The following CEP41 variants were observed in gnomAD, a reference collection of about 807,000 sequenced individuals.
CEP41 encodes the protein centrosomal protein 41.
Under a neutral mutation model 44.3 loss-of-function variants are expected in CEP41, and 32 were observed. The ratio of observed to expected loss-of-function variants is 0.72; its 90% CI spans 0.54 to 0.97. The LOEUF (loss-of-function observed/expected upper bound fraction) is 0.97. Ranked by LOEUF, CEP41 falls within the 50% of genes least tolerant of loss-of-function variation. CEP41 has a pLI of 0.00. For synonymous variants in CEP41, 151 were observed against 168.5 expected (o/e 0.90, Z 0.80); for missense variants, 432 against 455.2 (o/e 0.95, Z 0.46).
chr7:130,431,391 T>C (rs138021066), intron 1 of CEP41, among the ~76,000 whole-genome samples: 118 of 152,308 alleles, frequency 7.7e-4, no homozygotes, highest in African/African-American at 2.7e-3. Context: ...GAGTGCCTAC[T>C]AGGGGCAAGC....
chr7:130,411,617 T>G (rs1797184245), intron 4 of CEP41, among the ~76,000 whole-genome samples: 1 of 152,248 alleles, frequency 6.6e-6, no homozygotes, highest in African/African-American at 2.4e-5. Flanking sequence ...TTACAGTGTT[T>G]TATACTTCTA....
intron 1 of CEP41, among the ~76,000 whole-genome samples, chr7:130,428,325 G>A (rs1306275237): frequency 6.6e-6 from 1 of 150,836 alleles, no homozygotes; most frequent in Non-Finnish European, 1.5e-5. Context: ...TCGGGAGGCC[G>A]AGGCAGGAGA....
intron 1 of CEP41, among the ~76,000 whole-genome samples, chr7:130,436,830 A>G (rs1460523464): frequency 6.6e-6 from 1 of 152,160 alleles, no homozygotes; most frequent in Non-Finnish European, 1.5e-5. Context: ...TGAAGTCAGG[A>G]GTTCAAGACC....
Position 130,395,034 on chromosome 7 carries a change from C to T in CEP41, c.*3857G>A, listed in dbSNP as rs781902045. 8.8e-6 allele frequency: 4 copies of T among 453,926 alleles called. No homozygotes were observed. The highest frequency in any genetic ancestry group is 1.4e-4 in the East Asian group (2 of 14,410). The allele number at this position is 453,926 out of a possible 1,614,324, so 28.1% of individuals were successfully genotyped here. ...CAGGGGATCACAATGTGACAGACAC[C>T]GTTTCGAAAACACATAAAATCATGC... On this transcript the variant is annotated 3_prime_UTR_variant, in exon 11 of 11. Coordinates refer to ENST00000223208, the MANE Select transcript of CEP41 (RefSeq NM_018718.3).
chr7:130,421,988 G>A, intron 2 of CEP41: 2 of 1,535,902 alleles, frequency 1.3e-6, no homozygotes, highest in Non-Finnish European at 1.7e-6. Flanking sequence ...CTGGGGAGCT[G>A]GTAAGATACA....
chr7:130,441,121 T>G, upstream of CEP41: 2 of 804,628 alleles, frequency 2.5e-6, no homozygotes, highest in Non-Finnish European at 4.2e-6. Flanking sequence ...CCGTTTACTC[T>G]CTCATCTCAG....
At chr7:130,431,881 G>A (rs973497992) in intron 1 of CEP41, among the ~76,000 whole-genome samples, 2 of 152,082 alleles carry the variant, frequency 1.3e-5, no homozygotes, top group East Asian at 1.9e-4. Flanking sequence ...AGTGGATCTC[G>A]AACAGGTACC....
intron 1 of CEP41, among the ~76,000 whole-genome samples, chr7:130,434,141 T>C (rs1554425687): frequency 1.3e-5 from 2 of 152,214 alleles, no homozygotes; most frequent in African/African-American, 2.4e-5. Flanking sequence ...AAAGAACAAA[T>C]TGTTCTATTT....
At position 130,395,006 on chromosome 7, in the gene CEP41, C is replaced by T. The variant is rs782595945; in HGVS notation, c.*3885G>A. 1 of 453,924 alleles carries T rather than the reference C, an allele frequency of 2.2e-6. No individual in the cohort carries two copies. The highest frequency in any genetic ancestry group is 4.4e-6 in the Non-Finnish European group (1 of 226,780). The allele number at this position is 453,924 out of a possible 1,614,324, so 28.1% of individuals were successfully genotyped here. A position where few individuals can be genotyped will look rare whatever the true frequency, so the allele number is the denominator to read the frequency against. ...GAGGATCAGCAACAGAGAGGGGAGC[C>T]ATCAGGGGATCACAATGTGACAGAC... On this transcript the variant is annotated 3_prime_UTR_variant, in exon 11 of 11. Transcript: ENST00000223208.
intron 2 of CEP41, among the ~76,000 whole-genome samples, chr7:130,426,032 A>G (rs538146250): frequency 2.0e-4 from 31 of 152,346 alleles, no homozygotes; most frequent in Admixed American, 6.5e-4. Context: ...GGGCAACATA[A>G]GGAATCCGTG....
At position 130,397,763 on chromosome 7, in the gene CEP41, T is replaced by G. The variant is rs1554415442; in HGVS notation, c.*1128A>C. ...ACCTGAGGCCTTTTGTTCCCCCAAT[T>G]AAATGGAATGAATGTCAGTCATTTA... On this transcript the variant is annotated 3_prime_UTR_variant, in exon 11 of 11. Coordinates refer to ENST00000223208, the MANE Select transcript of CEP41 (RefSeq NM_018718.3). 4.2e-5 allele frequency: 19 copies of G among 449,584 alleles called. No individual in the cohort carries two copies. The highest frequency in any genetic ancestry group is 3.0e-4 in the South Asian group (19 of 63,864). The allele number at this position is 449,584 out of a possible 1,614,324, so 27.8% of individuals were successfully genotyped here.
At chr7:130,410,928 A>C (rs530431403) in intron 5 of CEP41, 194 bp downstream of exon 5, 3 of 641,392 alleles carry the variant, frequency 4.7e-6, no homozygotes, top group East Asian at 5.4e-5. Flanking sequence ...TTAGAGTCAG[A>C]AAACCAGATG....
At chr7:130,439,348 A>C (rs569494619) in intron 1 of CEP41, among the ~76,000 whole-genome samples, 1 of 66,120 alleles carries the variant, frequency 1.5e-5, no homozygotes, top group East Asian at 6.8e-4. Flanking sequence ...TTAGTAGTTA[A>C]GTTTTTTTGC....
chr7:130,408,756 A>C (rs956381984), intron 5 of CEP41, among the ~76,000 whole-genome samples: 2 of 152,196 alleles, frequency 1.3e-5, no homozygotes, highest in Non-Finnish European at 2.9e-5. Context: ...GAATCATACA[A>C]ACATTTACAT....
At chr7:130,435,591 A>G (rs1386384544) in intron 1 of CEP41, among the ~76,000 whole-genome samples, 3 of 152,212 alleles carry the variant, frequency 2.0e-5, no homozygotes, top group Non-Finnish European at 2.9e-5. Flanking sequence ...GACAGTGTTG[A>G]ACGTTGCCAA....
At position 130,397,700 on chromosome 7, in the gene CEP41, C is replaced by A. The variant is rs781848072; in HGVS notation, c.*1191G>T. ...CGATCACAGACCATAAAAATTAACACCGCTCTTTTCCATCTGATTTCAGAG... is the reference window on the plus strand; with the variant it reads ...CGATCACAGACCATAAAAATTAACAACGCTCTTTTCCATCTGATTTCAGAG... On this transcript the variant is annotated 3_prime_UTR_variant, in exon 11 of 11. Transcript: ENST00000223208. 7 of 454,072 alleles carry A rather than the reference C, an allele frequency of 1.5e-5. No homozygotes were observed. The highest frequency in any genetic ancestry group is 3.1e-5 in the Non-Finnish European group (7 of 226,724). 28.1% of individuals were successfully genotyped at this position (454,072 alleles called of 1,614,324 possible). A position where few individuals can be genotyped will look rare whatever the true frequency, so the allele number is the denominator to read the frequency against.
At chr7:130,417,188 G>A in intron 2 of CEP41, 1 of 1,353,770 alleles carries the variant, frequency 7.4e-7, no homozygotes, top group South Asian at 1.6e-5. Flanking sequence ...ATGTGTTTAA[G>A]CTGGGATGCA....
At chr7:130,425,753 T>C (rs1584898454) in intron 2 of CEP41, among the ~76,000 whole-genome samples, 1 of 152,258 alleles carries the variant, frequency 6.6e-6, no homozygotes, top group Admixed American at 6.5e-5. Flanking sequence ...ACAACCCCGA[T>C]GTCCTTCAAC....
intron 5 of CEP41, among the ~76,000 whole-genome samples, chr7:130,410,026 C>CTTCTTTTTTTTT (rs1554419056): frequency 7.6e-6 from 1 of 131,850 alleles, no homozygotes; most frequent in Non-Finnish European, 1.6e-5. Flanking sequence ...CTACCTCGGT[C>CTTCTTTTTTTTT]TTCTTTTTTT....
Sources: gnomAD v4.1 joint callset for allele counts (sites outside exome capture counted in the v4.1 genomes callset) on GRCh38, gnomAD v4.1.1 for gene constraint, MANE v1.5 for transcripts, NCBI Gene and HGNC (gene_info 2026-07-23, HGNC 2026-07-21) for gene names.